Variants in TTC3 observed in about 807,000 individuals in gnomAD.
The protein encoded by TTC3 is tetratricopeptide repeat domain 3, also known as E3 ubiquitin-protein ligase TTC3.
Under a neutral mutation model 249.6 loss-of-function variants are expected in TTC3, and 180 were observed. The observed-to-expected ratio is 0.72, with a 90% CI of 0.64 to 0.82. The LOEUF (loss-of-function observed/expected upper bound fraction) is 0.82, where lower values mean the gene tolerates loss of function less well. Ranked by LOEUF, TTC3 falls within the 40% of genes least tolerant of loss-of-function variation. The pLI is 0.00. For missense variants in TTC3, 2,061 were observed against 2,398.4 expected (o/e 0.86, Z 2.94); for synonymous variants, 717 against 805.0 (o/e 0.89, Z 1.85).
chr21:37,086,044 T>C (rs983298918), intron 1 of TTC3: 1 of 152,216 alleles, frequency 6.6e-6, no homozygotes, highest in African/African-American at 2.4e-5. Context: ...ATTAGTGAAA[T>C]AATGCATGTA....
intron 38 of TTC3, chr21:37,187,647 C>G (rs1049612150): frequency 6.6e-6 from 1 of 152,176 alleles, no homozygotes; most frequent in Non-Finnish European, 1.5e-5. Context: ...TTATTTAGTT[C>G]CAGAAACATG....
intron 44 of TTC3, 86 bp downstream of exon 44, chr21:37,198,111 C>T (rs2148244577): frequency 1.4e-6 from 2 of 1,426,608 alleles, no homozygotes; most frequent in South Asian, 1.5e-5. Flanking sequence ...CCATTCATTT[C>T]TAGACCTAAT....
intron 10 of TTC3, among the ~76,000 whole-genome samples, chr21:37,104,395 G>C (rs1205353027): frequency 6.6e-6 from 1 of 152,048 alleles, no homozygotes; most frequent in South Asian, 2.1e-4. Flanking sequence ...TTCGAGACCA[G>C]CCTGGCCAAC....
intron 1 of TTC3, among the ~76,000 whole-genome samples, chr21:37,074,655 A>AT (rs5843790): frequency 0.46 from 69,156 of 151,766 alleles, 16,297 homozygotes; most frequent in Non-Finnish European, 0.52. Flanking sequence ...TAGTTAGGAC[A>AT]TTTTTTGTTG....
chr21:37,138,973 A>T (rs1173389410), intron 19 of TTC3, among the ~76,000 whole-genome samples: 5 of 152,188 alleles, frequency 3.3e-5, no homozygotes, highest in Non-Finnish European at 7.3e-5. Flanking sequence ...TAGATTTCAG[A>T]AACATAATCT....
At chr21:37,132,825 C>A in intron 17 of TTC3, 59 bp downstream of exon 17, 8 of 1,321,468 alleles carry the variant, frequency 6.1e-6, no homozygotes, top group Non-Finnish European at 6.3e-6. Flanking sequence ...ACATTGTTCA[C>A]ATGAATAAGG....
At chr21:37,165,345 C>G (rs551637548) in intron 32 of TTC3, among the ~76,000 whole-genome samples, 1 of 152,146 alleles carries the variant, frequency 6.6e-6, no homozygotes, top group South Asian at 2.1e-4. Flanking sequence ...TTTAAATGAT[C>G]ATTTTCTAGG....
intron 35 of TTC3, among the ~76,000 whole-genome samples, chr21:37,179,603 T>A (rs902277045): frequency 1.3e-5 from 2 of 152,248 alleles, no homozygotes; most frequent in Non-Finnish European, 2.9e-5. Flanking sequence ...TCAAATAGTA[T>A]GGTATAGTAA....
intron 36 of TTC3, among the ~76,000 whole-genome samples, chr21:37,183,447 T>G (rs1427596866): frequency 6.6e-6 from 1 of 152,190 alleles, no homozygotes; most frequent in African/African-American, 2.4e-5. Flanking sequence ...CCTCTGCTCT[T>G]AACAGTGATA....
intron 35 of TTC3, among the ~76,000 whole-genome samples, chr21:37,181,010 G>A (rs2082711014): frequency 6.6e-6 from 1 of 152,106 alleles, no homozygotes; most frequent in Non-Finnish European, 1.5e-5. Flanking sequence ...ATACAGTTGT[G>A]TATAGCCTAT....
chr21:37,173,292 T>A (rs1391591332), intron 35 of TTC3, among the ~76,000 whole-genome samples: 1 of 152,228 alleles, frequency 6.6e-6, no homozygotes. Context: ...CAGTAAGTAT[T>A]GTCTGCTACT....
intron 15 of TTC3, 82 bp downstream of exon 15, chr21:37,126,225 T>C: frequency 8.1e-7 from 1 of 1,234,036 alleles, no homozygotes; most frequent in Non-Finnish European, 1.2e-6. Flanking sequence ...TGCACAAGCC[T>C]TGCTTATATC....
exon 33 of TTC3, chr21:37,165,699 T>C (rs200697645): frequency 6.2e-7 from 1 of 1,613,884 alleles, no homozygotes; most frequent in Non-Finnish European, 8.5e-7. Flanking sequence ...TGCCCTCGTT[T>C]TGTTGTGATT....
intron 21 of TTC3, among the ~76,000 whole-genome samples, chr21:37,146,862 C>T (rs2079029837): frequency 6.6e-6 from 1 of 152,136 alleles, no homozygotes; most frequent in Non-Finnish European, 1.5e-5. Flanking sequence ...CTCAACAAAG[C>T]TATTATAAAA....
exon 28 of TTC3, chr21:37,156,904 T>C (rs1307866017): frequency 1.2e-6 from 2 of 1,613,264 alleles, no homozygotes; most frequent in Non-Finnish European, 1.7e-6. Context: ...TTTGATATAA[T>C]GGGTATGTGG....
At chr21:37,153,210 T>C in exon 27 of TTC3, 1 of 1,614,190 alleles carries the variant, frequency 6.2e-7, no homozygotes, top group Admixed American at 1.7e-5. Flanking sequence ...TATTTCTGCA[T>C]GTTTTGAGTG....
At chr21:37,100,046 A>G (rs779495601) in intron 10 of TTC3, among the ~76,000 whole-genome samples, 1 of 152,234 alleles carries the variant, frequency 6.6e-6, no homozygotes, top group African/African-American at 2.4e-5. Context: ...CAATATGCAT[A>G]TATACAGACT....
intron 16 of TTC3, among the ~76,000 whole-genome samples, chr21:37,130,400 A>AAATTTATTTT (rs1318048536): frequency 7.2e-5 from 11 of 152,182 alleles, no homozygotes; most frequent in African/African-American, 2.4e-4. Context: ...TATTTAAAAA[A>AAATTTATTTT]AATTTATTTT....
At chr21:37,099,883 T>C (rs2074307347) in intron 10 of TTC3, among the ~76,000 whole-genome samples, 1 of 152,186 alleles carries the variant, frequency 6.6e-6, no homozygotes, top group Non-Finnish European at 1.5e-5. Context: ...ACGACCTAAA[T>C]GGCCATCAAT....
Sources: gnomAD v4.1 joint callset for allele counts (sites outside exome capture counted in the v4.1 genomes callset) on GRCh38, gnomAD v4.1.1 for gene constraint, MANE v1.5 for transcripts, NCBI Gene and HGNC (gene_info 2026-07-23, HGNC 2026-07-21) for gene names.